HIRA: variants seen among roughly 807,000 people sequenced by gnomAD.
HIRA encodes the protein protein HIRA.
Under a neutral mutation model 126.6 loss-of-function variants are expected in HIRA, and 13 were observed. That is an observed-to-expected ratio of 0.10 (90% CI 0.07 to 0.16). HIRA has a LOEUF of 0.16. Among genes scored for constraint, HIRA ranks in the 10% least tolerant of loss-of-function variants. HIRA has a pLI of 1.00. For synonymous variants in HIRA, 511 were observed against 520.0 expected, an observed-to-expected ratio of 0.98 and a Z score of 0.24; for missense variants, 834 against 1,314.4, an observed-to-expected ratio of 0.63 and a Z score of 5.65.
intron 13 of HIRA, among the ~76,000 whole-genome samples, chr22:19,379,678 A>C (rs1035089547): frequency 2.7e-5 from 4 of 149,174 alleles, no homozygotes; most frequent in Admixed American, 1.3e-4. Flanking sequence ...TTTTTTGTGA[A>C]CTGCTTGTTC....
At position 19,396,822 on chromosome 22, in the gene HIRA, G is replaced by C. The variant is rs773033524; in HGVS notation, c.619C>G (p.Gln207Glu). ...GGCTTGGTGATGCTGGTCTCCAACTGCCAGTCCAGCGTCCTCCACACCTTT... is the reference window on the plus strand; with the variant it reads ...GGCTTGGTGATGCTGGTCTCCAACTCCCAGTCCAGCGTCCTCCACACCTTT... The part of the protein sequence containing the change: ...SLKVWRTLDW[Q>E]LETSITKPFD... Residue 207 changes from glutamine (Q) to glutamate (E), a missense_variant, in exon 7 of 25, where the codon CAG becomes GAG. Transcript: ENST00000263208. 2 of 1,614,202 alleles carry C rather than the reference G, an allele frequency of 1.2e-6. No homozygotes were observed. The highest frequency in any genetic ancestry group is 1.7e-6 in the Non-Finnish European group (2 of 1,180,042).
At chr22:19,418,547 G>A (rs2146252910) in intron 1 of HIRA, among the ~76,000 whole-genome samples, 1 of 152,094 alleles carries the variant, frequency 6.6e-6, no homozygotes, top group East Asian at 1.9e-4. Flanking sequence ...CAGGAGAATG[G>A]CATGAACCTG....
rs578129711 is a variant in HIRA at position 19,407,510 on chromosome 22, G to A, written c.212-236C>T. Among the ~76,000 whole-genome samples the A allele has an allele frequency of 1.1e-4, 17 of 152,254 alleles. No individual in the cohort carries two copies. The East Asian group carries it at 2.1e-3, about 19-fold the overall frequency. ...GAAAAATATACATTATCTGAGAATC[G>A]TTAGTGCTGAATGACATAGTCAATA... On this transcript the variant is annotated intron_variant, in intron 3 of 24. Coordinates refer to ENST00000263208, the MANE Select transcript of HIRA (RefSeq NM_003325.4).
At chr22:19,398,422 A>G (rs568895498) in intron 5 of HIRA, among the ~76,000 whole-genome samples, 3 of 152,340 alleles carry the variant, frequency 2.0e-5, no homozygotes, top group South Asian at 2.1e-4. Context: ...TTTGCCAATC[A>G]TAACAGGGCC....
chr22:19,355,462 G>C (rs1194040333), intron 21 of HIRA, among the ~76,000 whole-genome samples: 3 of 152,170 alleles, frequency 2.0e-5, no homozygotes, highest in African/African-American at 7.2e-5. Context: ...GCTCATGGTG[G>C]CTAAGGGGGC....
chr22:19,417,813 C>T (rs888106485), intron 1 of HIRA, among the ~76,000 whole-genome samples: 2 of 152,172 alleles, frequency 1.3e-5, no homozygotes, highest in Non-Finnish European at 2.9e-5. Flanking sequence ...CATAGCAGTA[C>T]TATTCACTAC....
At position 19,331,015 on chromosome 22, in the gene HIRA, G is replaced by A; in HGVS notation, c.*425C>T. ...TTGGAACAGCTTTCCTTTTACATAG[G>A]TCTTAGGTCAGTCTGCTGTAATACC... On this transcript the variant is annotated 3_prime_UTR_variant, in exon 25 of 25. Coordinates refer to ENST00000263208, the MANE Select transcript of HIRA (RefSeq NM_003325.4). 1 of 547,352 alleles carries A rather than the reference G, an allele frequency of 1.8e-6. No individual in the cohort carries two copies. 33.9% of individuals were successfully genotyped at this position (547,352 alleles called of 1,614,324 possible).
At chr22:19,339,532 G>A (rs2088603135) in intron 24 of HIRA, among the ~76,000 whole-genome samples, 1 of 152,016 alleles carries the variant, frequency 6.6e-6, no homozygotes, top group Non-Finnish European at 1.5e-5. Flanking sequence ...AGCTACTTGG[G>A]AGGCTGAGGC....
intron 23 of HIRA, among the ~76,000 whole-genome samples, 162 bp downstream of exon 23, chr22:19,353,194 A>C (rs914092331): frequency 6.6e-6 from 1 of 152,158 alleles, no homozygotes; most frequent in Non-Finnish European, 1.5e-5. Context: ...AGAGCCTATA[A>C]GGGGCTGGGT....
chr22:19,345,494 C>T (rs1412329488), intron 24 of HIRA, among the ~76,000 whole-genome samples: 4 of 152,216 alleles, frequency 2.6e-5, no homozygotes, highest in Non-Finnish European at 5.9e-5. Flanking sequence ...ACAGGTCTTA[C>T]AGCAGCAGTC....
intron 11 of HIRA, among the ~76,000 whole-genome samples, chr22:19,386,350 G>A (rs2089127470): frequency 6.6e-6 from 1 of 152,202 alleles, no homozygotes; most frequent in Non-Finnish European, 1.5e-5. Flanking sequence ...CCTCATGAGA[G>A]CAGAGATGGT....
rs1248504055 is a variant in HIRA at position 19,388,852 on chromosome 22, C to T, written c.937-298G>A. Among the ~76,000 whole-genome samples, 3 of 152,180 alleles carry T rather than the reference C, an allele frequency of 2.0e-5. No homozygotes were observed. In the East Asian group the frequency reaches 5.8e-4, roughly 29 times the overall value. On this transcript the variant is annotated intron_variant, in intron 9 of 24. Coordinates refer to ENST00000263208, the MANE Select transcript of HIRA (RefSeq NM_003325.4). Reference sequence around the variant, plus strand: ...GAGAAGGCAGAGTGGGAGTGGGTTTCTGAAGGGCTATGGTCGGAGGAGAGG... The same window carrying T: ...GAGAAGGCAGAGTGGGAGTGGGTTTTTGAAGGGCTATGGTCGGAGGAGAGG...
intron 1 of HIRA, among the ~76,000 whole-genome samples, chr22:19,421,192 G>A (rs748734042): frequency 1.4e-4 from 21 of 152,006 alleles, no homozygotes; most frequent in Non-Finnish European, 2.4e-4. Context: ...CCAGCTAATC[G>A]GAAGGCTGAG....
At position 19,388,533 on chromosome 22, in the gene HIRA, G is replaced by C; in HGVS notation, c.958C>G (p.Leu320Val). 1 of 1,613,726 alleles carries C rather than the reference G, an allele frequency of 6.2e-7. No homozygotes were observed. The highest frequency in any genetic ancestry group is 8.5e-7 in the Non-Finnish European group (1 of 1,179,620). Reference sequence around the variant, plus strand: ...TCAAACAGTTCATGGATGACCACCAGCGGCCGTTTCAGACATGTGAGCTGG... The same window carrying C: ...TCAAACAGTTCATGGATGACCACCACCGGCCGTTTCAGACATGTGAGCTGG... ...SVWLTCLKRP[L>V]VVIHELFDKS... is the part of the protein sequence containing the mutation. Residue 320 changes from leucine to valine, a missense_variant, in exon 10 of 25, where the codon CTG becomes GTG. Around this residue, in one of 5 missense-constraint regions of HIRA, gnomAD observed 153 missense variants for 270.6 expected, o/e 0.57. Transcript: ENST00000263208.
intron 1 of HIRA, among the ~76,000 whole-genome samples, chr22:19,423,494 C>CACACACACAG (rs2146258667): frequency 9.3e-6 from 1 of 107,474 alleles, no homozygotes; most frequent in African/African-American, 3.7e-5. Context: ...CACACACACA[C>CACACACACAG]ACACACACAC....
At chr22:19,339,655 C>A (rs943781244) in intron 24 of HIRA, among the ~76,000 whole-genome samples, 4 of 150,740 alleles carry the variant, frequency 2.7e-5, no homozygotes, top group Non-Finnish European at 3.0e-5. Flanking sequence ...AAAAAAAGAT[C>A]CAATTAAGCT....
intron 15 of HIRA, among the ~76,000 whole-genome samples, chr22:19,363,775 G>GT (rs753619981): frequency 1.5e-4 from 23 of 152,280 alleles, no homozygotes; most frequent in Non-Finnish European, 3.1e-4. Context: ...GCATACACAT[G>GT]TAATCCCAGC....
chr22:19,399,048 T>C, intron 5 of HIRA: 1 of 815,596 alleles, frequency 1.2e-6, no homozygotes, highest in Non-Finnish European at 1.5e-6. Flanking sequence ...TTAAATGTGA[T>C]AAACTGCTGC....
At chr22:19,430,184 TG>T (rs892321384) in intron 1 of HIRA, 1 of 152,112 alleles carries the variant, frequency 6.6e-6, no homozygotes, top group African/African-American at 2.4e-5. Flanking sequence ...GTCCCTACCC[TG>T]GGGGCATATG....
Sources: gnomAD v4.1 joint callset for allele counts (sites outside exome capture counted in the v4.1 genomes callset) on GRCh38, gnomAD v4.1.1 for gene constraint, gnomAD v4.1.1 regional missense constraint, MANE v1.5 for transcripts, NCBI Gene and HGNC (gene_info 2026-07-23, HGNC 2026-07-21) for gene names.